Variants in SRGAP2 observed in about 807,000 individuals in gnomAD.
SRGAP2 encodes the protein SLIT-ROBO Rho GTPase-activating protein 2.
Under a neutral mutation model 57.2 loss-of-function variants are expected in SRGAP2, and 15 were observed. The observed-to-expected ratio is 0.26, with a 90% CI of 0.18 to 0.40. The LOEUF is 0.40. Among genes scored for constraint, SRGAP2 ranks in the 10% least tolerant of loss-of-function variants. The probability of loss-of-function intolerance (pLI) is 1.00; values close to 1 mark genes in which losing one functional copy is unlikely to be tolerated. For missense variants in SRGAP2, 520 were observed against 669.6 expected (o/e 0.78, Z 2.47); for synonymous variants, 249 against 248.0 (o/e 1.00, Z -0.04).
intron 3 of SRGAP2, among the ~76,000 whole-genome samples, chr1:206,341,473 T>C (rs1675185675): frequency 6.6e-6 from 1 of 151,866 alleles, no homozygotes. Context: ...CTGCCAAATG[T>C]GGTTAATAAC....
At chr1:206,411,273 C>T (rs1659199592) in intron 10 of SRGAP2, among the ~76,000 whole-genome samples, 2 of 152,144 alleles carry the variant, frequency 1.3e-5, no homozygotes, top group South Asian at 4.1e-4. Flanking sequence ...AGTCTGAATT[C>T]TTAGGGACAG....
chr1:206,433,505 G>A (rs1661449636), intron 14 of SRGAP2, among the ~76,000 whole-genome samples: 1 of 152,052 alleles, frequency 6.6e-6, no homozygotes, highest in African/African-American at 2.4e-5. Flanking sequence ...GCTGGGTGTG[G>A]TGTTGGGCAC....
chr1:206,418,839 G>A (rs1273938993), intron 11 of SRGAP2, among the ~76,000 whole-genome samples: 2 of 150,312 alleles, frequency 1.3e-5, no homozygotes, highest in African/African-American at 4.9e-5. Context: ...TATCTTCTCT[G>A]TTCTCTCCCG....
chr1:206,369,513 T>A (rs1460947115), intron 4 of SRGAP2, among the ~76,000 whole-genome samples: 1 of 152,140 alleles, frequency 6.6e-6, no homozygotes, highest in Non-Finnish European at 1.5e-5. Flanking sequence ...CTCATCAAGG[T>A]CTAATTTTCA....
chr1:206,218,130 G>A (rs2102469617), intron 2 of SRGAP2, among the ~76,000 whole-genome samples: 1 of 152,302 alleles, frequency 6.6e-6, no homozygotes, highest in East Asian at 1.9e-4. Context: ...CCAACATGGT[G>A]AAACCCTGTC....
rs538226311 is a variant in SRGAP2, at chr1:206,443,684, C to A, written c.1875-2391C>A. Among the ~76,000 whole-genome samples the A allele has an allele frequency of 6.4e-4, 97 of 152,270 alleles. 1 individual carries two copies. The highest frequency in any genetic ancestry group is 1.0e-3 in the Non-Finnish European group (70 of 68,028). ...GAGCCTGTAATTACACCGCGCCTGG[C>A]CTAGATATTTCTTTAAAAATAAAAA... On this transcript the variant is annotated intron_variant, in intron 17 of 22. Transcript: ENST00000573034.
chr1:206,270,224 GACTA>G (rs1670112935), intron 2 of SRGAP2, among the ~76,000 whole-genome samples: 1 of 92,388 alleles, frequency 1.1e-5, no homozygotes, highest in South Asian at 4.5e-4. Context: ...GTTTCAAACA[GACTA>G]ACTAAATAAC....
chr1:206,443,811 C>A (rs1050182338), intron 17 of SRGAP2, among the ~76,000 whole-genome samples: 1 of 152,154 alleles, frequency 6.6e-6, no homozygotes. Flanking sequence ...TATTTATATG[C>A]GCACATATGT....
rs1357717731 is a variant in SRGAP2, at chr1:206,227,158, AC to A, written c.67+21122del. On this transcript the variant is annotated intron_variant, in intron 2 of 22. Coordinates refer to ENST00000573034, the MANE Select transcript of SRGAP2 (RefSeq NM_015326.5). Reference sequence around the variant, plus strand: ...GGTCATACCAATCACACTATTTTGCACGTATTTGTTTACACATCTCTTGTCT... The same window carrying A: ...GGTCATACCAATCACACTATTTTGCAGTATTTGTTTACACATCTCTTGTCT... Among the ~76,000 whole-genome samples the A allele has an allele frequency of 1.9e-3, 289 of 151,164 alleles. 1 individual carries two copies. Among genetic ancestry groups the A allele is most frequent in the African/African-American group, 6.7e-3 (277 of 41,130 alleles).
intron 18 of SRGAP2, among the ~76,000 whole-genome samples, chr1:206,446,518 G>A (rs1553373894): frequency 6.6e-6 from 1 of 152,218 alleles, no homozygotes; most frequent in Non-Finnish European, 1.5e-5. Flanking sequence ...TGAGTTCTGA[G>A]TGGCAAGGGA....
At chr1:206,290,848 G>A (rs1309901745) in intron 2 of SRGAP2, among the ~76,000 whole-genome samples, 4 of 151,880 alleles carry the variant, frequency 2.6e-5, no homozygotes, top group East Asian at 1.9e-4. Context: ...GCTAGTAGGT[G>A]GTGGAGCTGG....
intron 20 of SRGAP2, 99 bp downstream of exon 20, chr1:206,453,479 C>G: frequency 2.1e-6 from 1 of 476,746 alleles, no homozygotes; most frequent in Non-Finnish European, 3.9e-6. Context: ...GAGGCCAACC[C>G]CTGGGGGGTC....
intron 16 of SRGAP2, among the ~76,000 whole-genome samples, chr1:206,438,914 T>A (rs1383642332): frequency 6.6e-6 from 1 of 152,222 alleles, no homozygotes; most frequent in East Asian, 1.9e-4. Flanking sequence ...CTCTCTGTTA[T>A]CCTGAGAAAT....
intron 2 of SRGAP2, among the ~76,000 whole-genome samples, chr1:206,229,670 T>C (rs1667498655): frequency 6.6e-6 from 1 of 152,162 alleles, no homozygotes; most frequent in East Asian, 1.9e-4. Context: ...GACTCTCTTT[T>C]TATGCAACAC....
At chr1:206,433,882 C>T (rs1661491237) in intron 14 of SRGAP2, among the ~76,000 whole-genome samples, 1 of 152,074 alleles carries the variant, frequency 6.6e-6, no homozygotes, top group Non-Finnish European at 1.5e-5. Context: ...TATGGATTAG[C>T]AATTCTAAAA....
intron 4 of SRGAP2, among the ~76,000 whole-genome samples, chr1:206,374,019 CTTTTTTTTTTTTTT>C (rs56021600): frequency 1.3e-5 from 1 of 77,012 alleles, no homozygotes; most frequent in African/African-American, 5.6e-5. Context: ...GATACACATT[CTTTTTTTTTTTTTT>C]TTTTTTTTTG....
At chr1:206,347,254 TAA>T (rs532132310) in intron 4 of SRGAP2, among the ~76,000 whole-genome samples, 1 of 139,880 alleles carries the variant, frequency 7.1e-6, no homozygotes. Flanking sequence ...CCTGTCTGTT[TAA>T]AAAAAAAAAA....
rs1663168005 is a variant in SRGAP2 at position 206,450,452 on chromosome 1, C to T, written c.2166C>T (p.His722=). ...CCCAGGATGTGACCGCAGAGCACCA[C>T]ACGAGCGATGACGGTACGAGGCCCT... ...DSTQDVTAEH[H]TSDDECEPIE... is the part of the protein sequence containing the mutation. Residue 722 remains histidine (H), a synonymous_variant, in exon 19 of 23, where the codon CAC becomes CAT. Transcript: ENST00000573034. The T allele has an allele frequency of 1.3e-6, 1 of 780,838 alleles. No individual in the cohort carries two copies. Among genetic ancestry groups the T allele is most frequent in the Non-Finnish European group, 2.4e-6 (1 of 417,966 alleles). 48.4% of individuals were successfully genotyped at this position (780,838 alleles called of 1,614,324 possible).
In SRGAP2 at chr1:206,203,556, G is replaced by C. The variant is rs782400453; in HGVS notation, c.-637G>C. On this transcript the variant is annotated 5_prime_UTR_variant, in exon 1 of 23. Transcript: ENST00000573034. Reference sequence around the variant, plus strand: ...AGGCTCCTCCAGGGACTGGGGCACCGATCTGCGTAGAAACGGGTGGCGGGG... The same window carrying C: ...AGGCTCCTCCAGGGACTGGGGCACCCATCTGCGTAGAAACGGGTGGCGGGG... The C allele has an allele frequency of 6.1e-5, 35 of 577,246 alleles. No individual in the cohort carries two copies. The highest frequency in any genetic ancestry group is 1.0e-4 in the Non-Finnish European group (33 of 324,250). The allele number at this position is 577,246 out of a possible 1,614,324, so 35.8% of individuals were successfully genotyped here. A position where few individuals can be genotyped will look rare whatever the true frequency, so the allele number is the denominator to read the frequency against.
Sources: allele counts gnomAD v4.1 joint callset (sites outside exome capture counted in the v4.1 genomes callset), GRCh38; gene constraint gnomAD v4.1.1; transcripts MANE v1.5; gene names NCBI Gene and HGNC (gene_info 2026-07-23, HGNC 2026-07-21).